Variants in VPS72 observed in about 807,000 individuals in gnomAD.
VPS72 encodes the protein vacuolar protein sorting 72 homolog.
A neutral mutation model predicts 38.9 loss-of-function variants in VPS72; 27 were observed. The observed-to-expected ratio is 0.69, with a 90% CI of 0.51 to 0.96. The LOEUF is 0.96. VPS72 is among the 40% of genes least tolerant of loss of function. VPS72 has a pLI of 0.00. For missense variants in VPS72, 360 were observed against 479.5 expected, an observed-to-expected ratio of 0.75 and a Z score of 2.33; for synonymous variants, 173 against 186.3, an observed-to-expected ratio of 0.93 and a Z score of 0.58.
chr1:151,178,404 T>C (rs1236407095), intron 4 of VPS72, among the ~76,000 whole-genome samples: 2 of 152,214 alleles, frequency 1.3e-5, no homozygotes, highest in African/African-American at 4.8e-5. Flanking sequence ...AGTTGGAAGG[T>C]ACCCTTTGAT....
In VPS72 at chr1:151,176,581, G is replaced by A. The variant is rs962771860; in HGVS notation, c.*63C>T. On this transcript the variant is annotated 3_prime_UTR_variant, in exon 6 of 6. Coordinates refer to ENST00000368892, the MANE Select transcript of VPS72 (RefSeq NM_005997.3). ...TGACAAAGGGGAGAAGCAGGGAGAA[G>A]AAACGGAACAGCAAGAGCCCCAATC... is the stretch of plus-strand genomic sequence containing the variant. The A allele has an allele frequency of 6.4e-7, 1 of 1,562,306 alleles. No individual in the cohort carries two copies. The highest frequency in any genetic ancestry group is 1.9e-5 in the Admixed American group (1 of 53,034).
At position 151,184,443 on chromosome 1, in the gene VPS72, G is replaced by A; in HGVS notation, c.436C>T (p.Leu146Phe). The part of the protein sequence containing the change: ...STAEHTRQTF[L>F]RVQERQGQSR... ...TGGCCCTGCCTCTCCTGTACCCGAA[G>A]GAACGTTTGTCGTGTATGCTCAGCT... The change falls in exon 4 of 6, where the codon CTT becomes TTT. Residue 146 changes from leucine to phenylalanine, a missense_variant. Leu to Phe is a conservative substitution (Grantham distance 22). Around this residue, in one of 2 missense-constraint regions of VPS72, gnomAD observed 294 missense variants for 356.3 expected, o/e 0.83. Transcript: ENST00000368892. The A allele has an allele frequency of 6.2e-7, 1 of 1,613,980 alleles. No homozygotes were observed. Among genetic ancestry groups the A allele is most frequent in the Non-Finnish European group, 8.5e-7 (1 of 1,180,052 alleles).
chr1:151,184,391 C>G lies in VPS72; in HGVS notation c.488G>C (p.Cys163Ser), dbSNP rs1163532899. ...GQSRRRKGPH[C>S]ERPLTQEELL... ...TTCCTCCTGGGTTAGTGGCCGCTCA[C>G]AGTGGGGCCCCTTTCGCCGTCTTGA... Residue 163 changes from cysteine (C) to serine (S), a missense_variant, in exon 4 of 6, where the codon TGT becomes TCT. By Grantham distance (112) the Cys-to-Ser change is moderately radical. Coordinates refer to ENST00000368892, the MANE Select transcript of VPS72 (RefSeq NM_005997.3). 2 of 1,614,000 alleles carry G rather than the reference C, an allele frequency of 1.2e-6. No individual in the cohort carries two copies. Among genetic ancestry groups the G allele is most frequent in the African/African-American group, 1.3e-5 (1 of 74,892 alleles).
intron 4 of VPS72, among the ~76,000 whole-genome samples, chr1:151,178,714 C>T (rs1435052124): frequency 6.6e-6 from 1 of 152,104 alleles, no homozygotes; most frequent in Non-Finnish European, 1.5e-5. Context: ...AATCTCGCAA[C>T]CCTGGGTCTG....
chr1:151,183,671 A>G (rs1684287505), intron 4 of VPS72, among the ~76,000 whole-genome samples: 1 of 152,002 alleles, frequency 6.6e-6, no homozygotes, highest in African/African-American at 2.4e-5. Context: ...CATGTTGGCC[A>G]GGCTGGTCTG....
intron 1 of VPS72, among the ~76,000 whole-genome samples, chr1:151,186,388 G>C (rs1684349698): frequency 6.6e-6 from 1 of 151,894 alleles, no homozygotes; most frequent in South Asian, 2.1e-4. Context: ...GTGAAACTCT[G>C]TCTCTACTAA....
chr1:151,178,782 C>T (rs587748091), intron 4 of VPS72, among the ~76,000 whole-genome samples: 2 of 152,282 alleles, frequency 1.3e-5, no homozygotes, highest in East Asian at 3.9e-4. Flanking sequence ...TTCAGGCACT[C>T]CTCTCCAGTT....
At chr1:151,186,335 G>T (rs928142571) in intron 1 of VPS72, among the ~76,000 whole-genome samples, 9 of 152,022 alleles carry the variant, frequency 5.9e-5, no homozygotes, top group African/African-American at 2.2e-4. Flanking sequence ...GAGGTGGGCA[G>T]ATCACTTGAG....
chr1:151,184,489 C>CAT lies in VPS72; in HGVS notation c.389_390insAT (p.Lys131Ter). The CAT allele has an allele frequency of 6.2e-7, 1 of 1,609,088 alleles. No homozygotes were observed. Among genetic ancestry groups the CAT allele is most frequent in the Non-Finnish European group, 8.5e-7 (1 of 1,177,060 alleles). ...CAGCTGTAGACTGACGCATAGACTT[C>CAT]CGACCTGGAAGAGAGTGAGATAAGA... On this transcript the variant is annotated frameshift_variant, in exon 4 of 6. Transcript: ENST00000368892. LOFTEE classifies it high-confidence loss of function.
intron 4 of VPS72, among the ~76,000 whole-genome samples, chr1:151,181,765 C>T (rs1684244368): frequency 6.6e-6 from 1 of 152,218 alleles, no homozygotes; most frequent in Non-Finnish European, 1.5e-5. Flanking sequence ...AAATGCTCCT[C>T]AGTCTCCTCA....
Position 151,177,996 on chromosome 1 carries a change from C to T in VPS72, c.707+5G>A. The T allele has an allele frequency of 6.2e-7, 1 of 1,613,048 alleles. No individual in the cohort carries two copies. Among genetic ancestry groups the T allele is most frequent in the Non-Finnish European group, 8.5e-7 (1 of 1,179,572 alleles). On this transcript the variant is annotated splice_donor_5th_base_variant and intron_variant, in intron 5 of 5. Transcript: ENST00000368892. ...CAATCTCTTTTCCTCTTGAGATTCACTCACCCTTCTATGTCAACGTTCTCT... is the reference window on the plus strand; with the variant it reads ...CAATCTCTTTTCCTCTTGAGATTCATTCACCCTTCTATGTCAACGTTCTCT...
In VPS72 at chr1:151,178,044, C is replaced by G. The variant is rs367571386; in HGVS notation, c.664G>C (p.Val222Leu). The G allele has an allele frequency of 2.9e-5, 47 of 1,614,138 alleles. No individual in the cohort carries two copies. Among genetic ancestry groups the G allele is most frequent in the Non-Finnish European group, 5.9e-6 (7 of 1,180,010 alleles). Residue 222 changes from valine (V) to leucine (L), a missense_variant, in exon 5 of 6, where the codon GTT (valine) becomes CTT (leucine). Val to Leu is a conservative substitution (Grantham distance 32). Transcript: ENST00000368892. ...TCTTCCTTGGGGCCTGGCTCCCCAA[C>G]AAGTGGCACTGTCACTGAATGATAG... The part of the protein sequence containing the change: ...ITYHSVTVPL[V>L]GEPGPKEENV...
rs1019877767 is a variant in VPS72, at chr1:151,186,184, G to A, written c.118-234C>T. On this transcript the variant is annotated intron_variant, in intron 1 of 5. Coordinates refer to ENST00000368892, the MANE Select transcript of VPS72 (RefSeq NM_005997.3). ...CTGCAACACACTGTTAAGTACTGGG[G>A]AACAAAAGGATATGGTTTGGTCTCT... 2.0e-5 allele frequency among the ~76,000 whole-genome samples: 3 copies of A among 152,096 alleles called. 1 individual carries two copies.
chr1:151,183,421 C>CAAAAAA (rs769884773), intron 4 of VPS72, among the ~76,000 whole-genome samples: 5 of 50,850 alleles, frequency 9.8e-5, no homozygotes, highest in South Asian at 1.1e-3. Flanking sequence ...GACTCTGTCT[C>CAAAAAA]AAAAAAAAAA....
intron 4 of VPS72, among the ~76,000 whole-genome samples, chr1:151,180,754 A>T (rs1684222157): frequency 1.3e-5 from 2 of 152,018 alleles, no homozygotes; most frequent in Non-Finnish European, 2.9e-5. Context: ...CTACTTTCAA[A>T]CACTTGCCTA....
chr1:151,184,078 G>A (rs1237807691), intron 4 of VPS72, among the ~76,000 whole-genome samples: 4 of 152,250 alleles, frequency 2.6e-5, no homozygotes, highest in South Asian at 2.1e-4. Context: ...ATAGCAGAAC[G>A]AGGATTTGAC....
rs184362589 is a variant in VPS72 at position 151,186,768 on chromosome 1, A to G, written c.118-818T>C. Among the ~76,000 whole-genome samples the G allele has an allele frequency of 1.2e-3, 177 of 152,338 alleles. 2 individuals are homozygous for G. In the East Asian group the frequency reaches 0.026, roughly 23 times the overall value. ...CTCTGTCAAGAAACCTTGTTAGCCA[A>G]CTGCATTTGGCTCCAGCACTGCCTC... is the stretch of plus-strand genomic sequence containing the variant. On this transcript the variant is annotated intron_variant, in intron 1 of 5. Coordinates refer to ENST00000368892, the MANE Select transcript of VPS72 (RefSeq NM_005997.3).
intron 4 of VPS72, among the ~76,000 whole-genome samples, chr1:151,179,917 A>G (rs903401534): frequency 1.3e-5 from 2 of 152,094 alleles, no homozygotes; most frequent in Admixed American, 6.6e-5. Context: ...CATACGAAAA[A>G]AAATGAATCA....
chr1:151,188,853 C>A (rs144304221), intron 1 of VPS72, among the ~76,000 whole-genome samples: 3 of 152,140 alleles, frequency 2.0e-5, no homozygotes, highest in Non-Finnish European at 4.4e-5. Context: ...GTTTTTGAGA[C>A]GGAGTCCTGC....
Sources: allele counts gnomAD v4.1 joint callset (sites outside exome capture counted in the v4.1 genomes callset), GRCh38; gene constraint gnomAD v4.1.1; regional missense constraint gnomAD v4.1.1; transcripts MANE v1.5; gene names NCBI Gene and HGNC (gene_info 2026-07-23, HGNC 2026-07-21).